Variants in IGSF21 observed in about 807,000 individuals in gnomAD.
IGSF21 encodes the protein immunoglobin superfamily member 21, also known as immunoglobulin superfamily member 21.
A neutral mutation model predicts 46.8 loss-of-function variants in IGSF21; 28 were observed. The observed-to-expected ratio is 0.60, with a 90% confidence interval of 0.44 to 0.82. IGSF21 has a LOEUF of 0.82. IGSF21 is among the 40% of genes least tolerant of loss of function. IGSF21 has a pLI of 0.00. For synonymous variants in IGSF21, 284 were observed against 273.6 expected, an observed-to-expected ratio of 1.04 and a Z score of -0.38; for missense variants, 624 against 665.5, an observed-to-expected ratio of 0.94 and a Z score of 0.69.
chr1:18,234,421 C>A (rs2084655226), intron 2 of IGSF21, among the ~76,000 whole-genome samples: 1 of 152,208 alleles, frequency 6.6e-6, no homozygotes. Context: ...AATGTAATAA[C>A]ACATAAACAG....
At chr1:18,294,339 C>A (rs1324257546) in intron 3 of IGSF21, among the ~76,000 whole-genome samples, 1 of 152,196 alleles carries the variant, frequency 6.6e-6, no homozygotes, top group Non-Finnish European at 1.5e-5. Flanking sequence ...CTTCTCCCAC[C>A]ATAAAACAAA....
chr1:18,298,405 T>C (rs1269249773), intron 3 of IGSF21, among the ~76,000 whole-genome samples: 1 of 152,172 alleles, frequency 6.6e-6, no homozygotes, highest in East Asian at 1.9e-4. Flanking sequence ...AATGTGGCCA[T>C]CCCAGAGGGC....
intron 1 of IGSF21, among the ~76,000 whole-genome samples, chr1:18,197,642 G>A (rs1250575544): frequency 6.6e-6 from 1 of 152,222 alleles, no homozygotes; most frequent in Non-Finnish European, 1.5e-5. Flanking sequence ...TCCAGAGAGG[G>A]CCTTGAATCC....
At chr1:18,306,973 T>C (rs1044191840) in intron 3 of IGSF21, among the ~76,000 whole-genome samples, 2 of 152,162 alleles carry the variant, frequency 1.3e-5, no homozygotes, top group Non-Finnish European at 2.9e-5. Flanking sequence ...AGTCAGCCGA[T>C]TGGTTCTGCG....
chr1:18,327,023 C>T (rs556258618), intron 3 of IGSF21, among the ~76,000 whole-genome samples: 3 of 152,118 alleles, frequency 2.0e-5, no homozygotes, highest in East Asian at 1.9e-4. Context: ...CTAATCTGGG[C>T]GAAGATTAAA....
intron 1 of IGSF21, among the ~76,000 whole-genome samples, chr1:18,212,791 C>A (rs2084405997): frequency 6.6e-6 from 1 of 152,228 alleles, no homozygotes; most frequent in Non-Finnish European, 1.5e-5. Context: ...TTGGTCTCAG[C>A]CCTCCTCCCT....
intron 2 of IGSF21, among the ~76,000 whole-genome samples, chr1:18,246,255 C>T (rs2124522448): frequency 6.6e-6 from 1 of 152,238 alleles, no homozygotes; most frequent in African/African-American, 2.4e-5. Context: ...AGGCTGATGG[C>T]ATCTCAGTGC....
At chr1:18,136,843 C>T (rs1410586456) in intron 1 of IGSF21, among the ~76,000 whole-genome samples, 2 of 152,102 alleles carry the variant, frequency 1.3e-5, no homozygotes, top group East Asian at 1.9e-4. Context: ...TAAATTACCT[C>T]GGGCAGTATG....
At chr1:18,377,303 C>G (rs1468103032) in intron 8 of IGSF21, 90 bp from the exon 9 acceptor site, 2 of 1,167,028 alleles carry the variant, frequency 1.7e-6, no homozygotes, top group Non-Finnish European at 2.6e-6. Flanking sequence ...CGTGTGATAC[C>G]TCACAGCAGG....
intron 2 of IGSF21, among the ~76,000 whole-genome samples, chr1:18,257,921 C>T (rs1019591406): frequency 6.6e-6 from 1 of 152,176 alleles, no homozygotes. Flanking sequence ...GGGCAAGGGG[C>T]CCCCTGCTGC....
At chr1:18,371,399 T>C (rs571234856) in intron 6 of IGSF21, among the ~76,000 whole-genome samples, 6 of 152,024 alleles carry the variant, frequency 3.9e-5, no homozygotes, top group Admixed American at 2.0e-4. Flanking sequence ...TGGTGAAACC[T>C]CGGCTCTACT....
At chr1:18,336,858 G>A (rs762633368) in intron 4 of IGSF21, among the ~76,000 whole-genome samples, 5 of 152,172 alleles carry the variant, frequency 3.3e-5, no homozygotes, top group Non-Finnish European at 4.4e-5. Context: ...TCACAATCGC[G>A]GTGGAAGGTG....
At chr1:18,247,713 C>T (rs1357847044) in intron 2 of IGSF21, among the ~76,000 whole-genome samples, 1 of 152,150 alleles carries the variant, frequency 6.6e-6, no homozygotes, top group East Asian at 1.9e-4. Context: ...TGAGCACTGA[C>T]TATAGACCAA....
In IGSF21 at chr1:18,365,123, G is replaced by A. The variant is rs764986936; in HGVS notation, c.541-100G>A. The A allele has an allele frequency of 1.9e-5, 17 of 877,244 alleles. No individual in the cohort carries two copies. The highest frequency in any genetic ancestry group is 2.9e-5 in the Non-Finnish European group (16 of 547,494). The allele number at this position is 877,244 out of a possible 1,614,324, so 54.3% of individuals were successfully genotyped here. ...GCTACTGTCTAGACTACTATGCTCT[G>A]GAAGAACTGGCATCCTGTGCCCAGT... is the stretch of plus-strand genomic sequence containing the variant. On this transcript the variant is annotated intron_variant, in intron 5 of 9. Transcript: ENST00000251296. The surrounding 1 kb of genome is among the most constrained non-coding windows in gnomAD (Gnocchi z 4.8).
chr1:18,225,493 A>G (rs2084557605), intron 1 of IGSF21, among the ~76,000 whole-genome samples: 1 of 152,122 alleles, frequency 6.6e-6, no homozygotes, highest in Admixed American at 6.5e-5. Context: ...TCACAGGCAC[A>G]CACCATCTGC....
chr1:18,235,515 T>C (rs2084664555), intron 2 of IGSF21, among the ~76,000 whole-genome samples: 1 of 152,176 alleles, frequency 6.6e-6, no homozygotes, highest in African/African-American at 2.4e-5. Flanking sequence ...ACAGGAAACC[T>C]ACCATGCCAA....
Position 18,153,811 on chromosome 1 carries a change from C to A in IGSF21, c.70+45613C>A, listed in dbSNP as rs57201670. On this transcript the variant is annotated intron_variant, in intron 1 of 9. Transcript: ENST00000251296. ...GATGCATGCTGTCCCCGATTCCCCACGCAGCGTCTGCGAATCCATCCCCAC... is the reference window on the plus strand; with the variant it reads ...GATGCATGCTGTCCCCGATTCCCCAAGCAGCGTCTGCGAATCCATCCCCAC... Among the ~76,000 whole-genome samples, 4 of 152,132 alleles carry A rather than the reference C, an allele frequency of 2.6e-5. No individual in the cohort carries two copies. The South Asian group carries it at 8.3e-4, about 31-fold the overall frequency.
At chr1:18,170,136 G>A (rs1035135662) in intron 1 of IGSF21, among the ~76,000 whole-genome samples, 4 of 152,182 alleles carry the variant, frequency 2.6e-5, no homozygotes, top group African/African-American at 9.7e-5. Context: ...TCCAGTTATA[G>A]GGAGCCACAT....
chr1:18,162,481 C>T (rs993105171), intron 1 of IGSF21, among the ~76,000 whole-genome samples: 1 of 151,480 alleles, frequency 6.6e-6, no homozygotes, highest in Admixed American at 6.6e-5. Flanking sequence ...GGAGCTGCAG[C>T]TCCCAGTCAC....
Sources: allele counts gnomAD v4.1 joint callset (sites outside exome capture counted in the v4.1 genomes callset), GRCh38; gene constraint gnomAD v4.1.1; non-coding constraint Gnocchi (gnomAD v3.1); transcripts MANE v1.5; gene names NCBI Gene and HGNC (gene_info 2026-07-23, HGNC 2026-07-21).